Variants in ABTB2 observed in about 807,000 individuals in gnomAD.
ABTB2 encodes the protein ankyrin repeat and BTB/POZ domain-containing protein 2.
ABTB2 carries 56 observed loss-of-function variants against 104.1 expected under a neutral mutation model. That is an observed-to-expected ratio of 0.54 (90% CI 0.43 to 0.67). The LOEUF is 0.67. ABTB2 is among the 30% of genes least tolerant of loss of function. The probability of loss-of-function intolerance (pLI) is 0.00; values close to 1 mark genes in which losing one functional copy is unlikely to be tolerated. For missense variants in ABTB2, 1,279 were observed against 1,407.7 expected (o/e 0.91, Z 1.46); for synonymous variants, 606 against 608.2 (o/e 1.00, Z 0.05).
In ABTB2 at chr11:34,167,380, A is replaced by G. The variant is rs1228731683; in HGVS notation, c.1654-20T>C. On this transcript the variant is annotated intron_variant, in intron 6 of 16. Transcript: ENST00000435224. ...TGGAACCTGGAAAATACCACAAATCATCTGTGTTTTCTGGGCACCCGAGCG... is the reference window on the plus strand; with the variant it reads ...TGGAACCTGGAAAATACCACAAATCGTCTGTGTTTTCTGGGCACCCGAGCG... 6.2e-7 allele frequency: 1 copy of G among 1,605,292 alleles called. No individual in the cohort carries two copies. Among genetic ancestry groups the G allele is most frequent in the East Asian group, 2.2e-5 (1 of 44,690 alleles).
intron 1 of ABTB2, among the ~76,000 whole-genome samples, chr11:34,352,203 T>C (rs189339706): frequency 2.0e-5 from 3 of 152,346 alleles, no homozygotes; most frequent in Admixed American, 2.0e-4. Context: ...CCCTTTTCTT[T>C]CTCAGCTCTA....
At chr11:34,193,011 A>G (rs1028467307) in intron 3 of ABTB2, among the ~76,000 whole-genome samples, 1 of 152,172 alleles carries the variant, frequency 6.6e-6, no homozygotes, top group African/African-American at 2.4e-5. Context: ...CAGAAGGGTG[A>G]TGGCTGAGGA....
chr11:34,160,658 C>T (rs1443872152), intron 11 of ABTB2, among the ~76,000 whole-genome samples: 3 of 86,834 alleles, frequency 3.5e-5, no homozygotes, highest in African/African-American at 4.6e-5. Context: ...GGCGAGCGTG[C>T]ACGCGCGCGC....
intron 1 of ABTB2, among the ~76,000 whole-genome samples, chr11:34,294,718 AT>A (rs35936764): frequency 0.078 from 11,282 of 145,092 alleles, 1,391 homozygotes; most frequent in African/African-American, 0.27. Flanking sequence ...TACAAAAACA[AT>A]TTTTTTTTTT....
At chr11:34,217,746 G>A (rs1853566875) in intron 1 of ABTB2, among the ~76,000 whole-genome samples, 1 of 152,210 alleles carries the variant, frequency 6.6e-6, no homozygotes, top group Non-Finnish European at 1.5e-5. Flanking sequence ...ACAGGCATGA[G>A]CCACCGTGCC....
rs528060873 is a variant in ABTB2 at position 34,188,019 on chromosome 11, C to T, written c.1244+9306G>A. ...GTGATTATTCTGATAATAGCAGCTG[C>T]CATGCACAAACACCTTATTCTCTGC... On this transcript the variant is annotated intron_variant, in intron 3 of 16. Coordinates refer to ENST00000435224, the MANE Select transcript of ABTB2 (RefSeq NM_145804.3). Among the ~76,000 whole-genome samples the T allele has an allele frequency of 4.6e-5, 7 of 152,336 alleles. No individual in the cohort carries two copies. In the East Asian group the frequency reaches 1.3e-3, roughly 29 times the overall value.
At chr11:34,339,380 G>A (rs184270512) in intron 1 of ABTB2, among the ~76,000 whole-genome samples, 117 of 152,344 alleles carry the variant, frequency 7.7e-4, no homozygotes, top group African/African-American at 2.7e-3. Context: ...TCCTTCTGAG[G>A]CCTGAGGGGC....
At chr11:34,264,216 C>T (rs542992893) in intron 1 of ABTB2, among the ~76,000 whole-genome samples, 4 of 152,164 alleles carry the variant, frequency 2.6e-5, no homozygotes, top group Non-Finnish European at 4.4e-5. Context: ...TGAGCAGTCT[C>T]GAGGCCGAGA....
In ABTB2 at chr11:34,204,574, C is replaced by T. The variant is rs1448787947; in HGVS notation, c.1000G>A (p.Ala334Thr). 1.9e-6 allele frequency: 3 copies of T among 1,613,110 alleles called. No individual in the cohort carries two copies. The highest frequency in any genetic ancestry group is 2.5e-6 in the Non-Finnish European group (3 of 1,179,904). The change falls in exon 2 of 17, where the codon GCC (alanine) becomes ACC (threonine). Residue 334 changes from alanine (A) to threonine (T), a missense_variant. Ala to Thr is a moderately conservative substitution (Grantham distance 58). Coordinates refer to ENST00000435224, the MANE Select transcript of ABTB2 (RefSeq NM_145804.3). ...TCCGAGATGCTGCCCACGCAGGTGG[C>T]CAGGAGGGACTGCTCCAGGGTTCGG... ...ELRTLEQSLL[A>T]TCVGSISELS...
chr11:34,201,678 G>A (rs1853340949), intron 2 of ABTB2, among the ~76,000 whole-genome samples: 1 of 152,126 alleles, frequency 6.6e-6, no homozygotes, highest in South Asian at 2.1e-4. Flanking sequence ...TAGTCTCAGG[G>A]AGAAAAACTG....
intron 1 of ABTB2, among the ~76,000 whole-genome samples, chr11:34,228,755 T>A (rs1346590342): frequency 1.3e-5 from 2 of 152,192 alleles, no homozygotes; most frequent in African/African-American, 4.8e-5. Flanking sequence ...CAGTGGTGTA[T>A]GAAGGCTCCA....
intron 1 of ABTB2, among the ~76,000 whole-genome samples, chr11:34,296,339 G>A (rs1404152982): frequency 1.3e-5 from 2 of 152,086 alleles, no homozygotes; most frequent in African/African-American, 2.4e-5. Flanking sequence ...CAAGGAGGAG[G>A]GTGGGAGAGT....
chr11:34,161,169 C>T (rs768953354), intron 10 of ABTB2, 88 bp from the exon 11 acceptor site: 66 of 1,344,178 alleles, frequency 4.9e-5, no homozygotes, highest in Middle Eastern at 5.4e-4. Flanking sequence ...CAGACTCTCT[C>T]GGGATGCCCC....
chr11:34,207,187 C>A (rs1219889623), intron 1 of ABTB2, among the ~76,000 whole-genome samples: 1 of 152,242 alleles, frequency 6.6e-6, no homozygotes, highest in East Asian at 1.9e-4. Context: ...CCAGTGCAGG[C>A]CTGACTCCTC....
intron 1 of ABTB2, among the ~76,000 whole-genome samples, chr11:34,298,438 T>A (rs1854654244): frequency 6.6e-6 from 1 of 150,862 alleles, no homozygotes; most frequent in African/African-American, 2.5e-5. Flanking sequence ...ACCAATTACT[T>A]TTTTTCTTTT....
chr11:34,272,728 A>AACAAAC (rs1554987959), intron 1 of ABTB2, among the ~76,000 whole-genome samples: 1 of 133,182 alleles, frequency 7.5e-6, no homozygotes, highest in African/African-American at 2.7e-5. Context: ...AAAAAAAAAA[A>AACAAAC]AAACCAACCA....
At chr11:34,248,986 C>T (rs901267637) in intron 1 of ABTB2, among the ~76,000 whole-genome samples, 5 of 152,144 alleles carry the variant, frequency 3.3e-5, no homozygotes, top group Admixed American at 6.5e-5. Context: ...CAAAATTAGC[C>T]GGGCGTGGTG....
chr11:34,229,218 C>G (rs1234918836), intron 1 of ABTB2, among the ~76,000 whole-genome samples: 1 of 151,414 alleles, frequency 6.6e-6, no homozygotes, highest in Non-Finnish European at 1.5e-5. Context: ...TGCGGTGGCT[C>G]ACGCCTGTAA....
chr11:34,198,379 C>T (rs1402514565), intron 2 of ABTB2, among the ~76,000 whole-genome samples: 5 of 151,840 alleles, frequency 3.3e-5, no homozygotes, highest in African/African-American at 1.2e-4. Flanking sequence ...GAGCAGAGAT[C>T]GTGCCACCAC....
Sources: allele counts gnomAD v4.1 joint callset (sites outside exome capture counted in the v4.1 genomes callset), GRCh38; gene constraint gnomAD v4.1.1; transcripts MANE v1.5; gene names NCBI Gene and HGNC (gene_info 2026-07-23, HGNC 2026-07-21).